MTMR11: variants seen among roughly 807,000 people sequenced by gnomAD.
MTMR11 encodes the protein myotubularin-related protein 11.
Under a neutral mutation model 100.0 loss-of-function variants are expected in MTMR11, and 89 were observed. That is an observed-to-expected ratio of 0.89 (90% CI 0.75 to 1.06). The LOEUF (loss-of-function observed/expected upper bound fraction) is 1.06, where lower values mean the gene tolerates loss of function less well. Ranked by LOEUF, MTMR11 falls within the 50% of genes least tolerant of loss-of-function variation. The pLI is 0.00. For missense variants in MTMR11, 809 were observed against 873.7 expected (o/e 0.93, Z 0.93); for synonymous variants, 336 against 326.3 (o/e 1.03, Z -0.32).
chr1:149,930,778 T>G lies in MTMR11; in HGVS notation c.1464+14A>C. On this transcript the variant is annotated intron_variant, in intron 14 of 16. Transcript: ENST00000439741. ...TGGAAAAAAAAACACGAGTCAAAAATAGAAGTCACTGACCTGTCCGCTCTG... is the reference window on the plus strand; with the variant it reads ...TGGAAAAAAAAACACGAGTCAAAAAGAGAAGTCACTGACCTGTCCGCTCTG... 1 of 1,535,048 alleles carries G rather than the reference T, an allele frequency of 6.5e-7. No individual in the cohort carries two copies. Among genetic ancestry groups the G allele is most frequent in the African/African-American group, 1.4e-5 (1 of 71,628 alleles).
chr1:149,931,098 G>T, intron 13 of MTMR11, 133 bp from the exon 14 acceptor site: 1 of 1,336,934 alleles, frequency 7.5e-7, no homozygotes, highest in Non-Finnish European at 1.0e-6. Context: ...CTGAATTGAG[G>T]GTAGCAGGGG....
In MTMR11 at chr1:149,936,633, G is replaced by A. The variant is rs2092726260; in HGVS notation, c.15C>T (p.Gly5=). The change falls in exon 1 of 17, where the codon GGC becomes GGT. Residue 5 remains glycine, a synonymous_variant. Coordinates refer to ENST00000439741, the MANE Select transcript of MTMR11 (RefSeq NM_001145862.2). MWWG[G]RGQSFNIAPQ... ...GGGCAATGTTGAAACTCTGGCCCCGGCCCCCCCACCACATTTCTCTGGCTC... is the reference window on the plus strand; with the variant it reads ...GGGCAATGTTGAAACTCTGGCCCCGACCCCCCCACCACATTTCTCTGGCTC... The A allele has an allele frequency of 1.3e-6, 2 of 1,541,860 alleles. No individual in the cohort carries two copies. The highest frequency in any genetic ancestry group is 1.8e-6 in the Non-Finnish European group (2 of 1,138,858).
At chr1:149,931,693 C>T in intron 12 of MTMR11, 1 of 578,430 alleles carries the variant, frequency 1.7e-6, no homozygotes, top group Non-Finnish European at 3.1e-6. Context: ...ACTGCCCTTC[C>T]CACCCCAACC....
In MTMR11 at chr1:149,931,504, C is replaced by A. The variant is rs141696447; in HGVS notation, c.1124-78G>T. Reference sequence around the variant, plus strand: ...GCAGAAGAGAATGAGAAGAGAAATACGGCAAGGAGAAGTGAGAGGCACAGA... The same window carrying A: ...GCAGAAGAGAATGAGAAGAGAAATAAGGCAAGGAGAAGTGAGAGGCACAGA... On this transcript the variant is annotated intron_variant, in intron 12 of 16. Transcript: ENST00000439741. 4,540 of 1,374,604 alleles carry A rather than the reference C, an allele frequency of 3.3e-3. 74 individuals are homozygous for A. In the East Asian group the frequency reaches 0.049, roughly 15 times the overall value. The allele number at this position is 1,374,604 out of a possible 1,614,324, so 85.2% of individuals were successfully genotyped here.
At chr1:149,933,312 A>G in intron 10 of MTMR11, 94 bp downstream of exon 10, 1 of 1,490,750 alleles carries the variant, frequency 6.7e-7, no homozygotes, top group South Asian at 1.2e-5. Flanking sequence ...TGGACTAAAG[A>G]GCTACTCATC....
Position 149,930,791 on chromosome 1 carries a change from C to A in MTMR11, c.1464+1G>T. The A allele has an allele frequency of 6.4e-7, 1 of 1,557,978 alleles. No individual in the cohort carries two copies. On this transcript the variant is annotated splice_donor_variant, in intron 14 of 16. Transcript: ENST00000439741. LOFTEE classifies it high-confidence loss of function. ...ACGAGTCAAAAATAGAAGTCACTGACCTGTCCGCTCTGCTTTCCGCGCTCC... is the reference window on the plus strand; with the variant it reads ...ACGAGTCAAAAATAGAAGTCACTGAACTGTCCGCTCTGCTTTCCGCGCTCC...
chr1:149,936,110 G>A (rs376410631), intron 2 of MTMR11, 44 bp downstream of exon 2: 20 of 1,572,970 alleles, frequency 1.3e-5, no homozygotes, highest in Non-Finnish European at 1.7e-5. Flanking sequence ...GATTGGCGTA[G>A]GATGAAATTT....
intron 15 of MTMR11, 50 bp from the exon 16 acceptor site, chr1:149,929,966 G>A (rs2092636555): frequency 6.4e-7 from 1 of 1,559,834 alleles, no homozygotes. Context: ...GATAACCCTA[G>A]TTTCCCCAAT....
chr1:149,935,445 A>C, intron 3 of MTMR11, 86 bp from the exon 4 acceptor site: 2 of 1,575,700 alleles, frequency 1.3e-6, no homozygotes, highest in Non-Finnish European at 1.7e-6. Flanking sequence ...AGGGGGCAAC[A>C]ACCCTAGAGA....
chr1:149,936,045 G>A (rs2092717350), intron 2 of MTMR11, 109 bp downstream of exon 2: 5 of 1,213,314 alleles, frequency 4.1e-6, no homozygotes, highest in East Asian at 2.3e-5. Context: ...TCAGGCAGAC[G>A]TACTTCGAGC....
At chr1:149,929,952 A>C (rs995934352) in intron 15 of MTMR11, 36 bp from the exon 16 acceptor site, 11 of 1,584,200 alleles carry the variant, frequency 6.9e-6, no homozygotes, top group Non-Finnish European at 9.5e-6. Context: ...CAACAGAGAG[A>C]CCAGATAACC....
rs1271030102 is a variant in MTMR11, at chr1:149,929,811, G to C, written c.1753C>G (p.Leu585Val). The C allele has an allele frequency of 5.0e-6, 8 of 1,614,078 alleles. No homozygotes were observed. The highest frequency in any genetic ancestry group is 6.8e-6 in the Non-Finnish European group (8 of 1,180,038). ...GGGAGCCAACGAGAAGAGACTGCCA[G>C]CAGGGAAGGACTGTCCCGCCAAGGA... The part of the protein sequence containing the change: ...LCPWRDSPSL[L>V]AVSSRWLPRP... The change falls in exon 16 of 17, where the codon CTG becomes GTG. Residue 585 changes from leucine to valine, a missense_variant. Leu to Val is a conservative substitution (Grantham distance 32, BLOSUM62 1). Coordinates refer to ENST00000439741, the MANE Select transcript of MTMR11 (RefSeq NM_001145862.2).
At chr1:149,930,607 AATC>A in intron 14 of MTMR11, 60 bp from the exon 15 acceptor site, 6 of 1,475,142 alleles carry the variant, frequency 4.1e-6, no homozygotes, top group Non-Finnish European at 5.5e-6. Context: ...TCTAGAGACA[AATC>A]ATGAGATTCT....
In MTMR11 at chr1:149,935,269, AC is replaced by A. The variant is rs781820463; in HGVS notation, c.325+29del. The A allele has an allele frequency of 6.3e-5, 102 of 1,608,312 alleles. 1 individual carries two copies. The Middle Eastern group carries it at 8.3e-4, about 13-fold the overall frequency. On this transcript the variant is annotated intron_variant, in intron 4 of 16. Transcript: ENST00000439741. ...GAGGGAGTTCCAACAACCCCAGTGA[AC>A]CCCTTCACCAAACCCCCCCCCAACT... is the stretch of plus-strand genomic sequence containing the variant.
At chr1:149,929,399 A>C in intron 16 of MTMR11, 82 bp from the exon 17 acceptor site, 1 of 1,359,404 alleles carries the variant, frequency 7.4e-7, no homozygotes, top group Non-Finnish European at 1.0e-6. Flanking sequence ...TGGTGTCTTT[A>C]ATTCTGTTTC....
intron 15 of MTMR11, 86 bp from the exon 16 acceptor site, chr1:149,930,002 G>A: frequency 7.4e-7 from 1 of 1,352,976 alleles, no homozygotes; most frequent in Non-Finnish European, 1.0e-6. Context: ...GTGTCCTGCT[G>A]CCACCCACTC....
Position 149,936,680 on chromosome 1 carries a change from A to G in MTMR11, c.-33T>C. On this transcript the variant is annotated 5_prime_UTR_variant, in exon 1 of 17. Transcript: ENST00000439741. ...GCTCCATCCGGGGACACAGCAGTTA[A>G]GGGTGGGAAACCTCAAGGATGCTCA... 2.1e-6 allele frequency: 3 copies of G among 1,457,392 alleles called. No homozygotes were observed. The highest frequency in any genetic ancestry group is 1.9e-6 in the Non-Finnish European group (2 of 1,061,054). 90.3% of individuals were successfully genotyped at this position (1,457,392 alleles called of 1,614,324 possible). A position where few individuals can be genotyped will look rare whatever the true frequency, so the allele number is the denominator to read the frequency against.
chr1:149,929,456 C>G, intron 16 of MTMR11, 139 bp from the exon 17 acceptor site: 1 of 1,197,458 alleles, frequency 8.4e-7, no homozygotes, highest in South Asian at 1.5e-5. Context: ...GCCACAAGCA[C>G]TTTCCCGCAC....
Position 149,929,854 on chromosome 1 carries a change from G to A in MTMR11, c.1710C>T (p.Thr570=). ...GCCAAGGACAGAGCTGATTCAGGGG[G>A]GTCAATGCTCCTCTAGAGAAGAGCC... ...SVWLFSRGAL[T]PLNQLCPWRD... is the part of the protein sequence containing the mutation. The change falls in exon 16 of 17, where the codon ACC becomes ACT. Residue 570 remains threonine (T), a synonymous_variant. Coordinates refer to ENST00000439741, the MANE Select transcript of MTMR11 (RefSeq NM_001145862.2). 2 of 1,614,172 alleles carry A rather than the reference G, an allele frequency of 1.2e-6. No homozygotes were observed. Among genetic ancestry groups the A allele is most frequent in the South Asian group, 2.2e-5 (2 of 91,084 alleles).
Sources: allele counts gnomAD v4.1 joint callset, GRCh38; gene constraint gnomAD v4.1.1; transcripts MANE v1.5; gene names NCBI Gene and HGNC (gene_info 2026-07-23, HGNC 2026-07-21).